The following SNX5 variants were observed in gnomAD, a reference collection of about 807,000 sequenced individuals.
The protein encoded by SNX5 is sorting nexin-5.
Under a neutral mutation model 53.9 loss-of-function variants are expected in SNX5, and 31 were observed. The ratio of observed to expected loss-of-function variants is 0.58; its 90% CI spans 0.43 to 0.78. SNX5 has a LOEUF of 0.78. Ranked by LOEUF, SNX5 falls within the 30% of genes least tolerant of loss-of-function variation. SNX5 has a pLI of 0.00. For missense variants in SNX5, 471 were observed against 478.8 expected (o/e 0.98, Z 0.15); for synonymous variants, 168 against 171.1 (o/e 0.98, Z 0.14).
At chr20:17,963,293 A>C (rs2035487723) in intron 1 of SNX5, among the ~76,000 whole-genome samples, 1 of 152,084 alleles carries the variant, frequency 6.6e-6, no homozygotes, top group Non-Finnish European at 1.5e-5. Context: ...AAGCCTGGGC[A>C]ACACAGCAAA....
chr20:17,943,267 T>C (rs112179413), intron 11 of SNX5, 72 bp from the exon 12 acceptor site: 78 of 985,316 alleles, frequency 7.9e-5, no homozygotes, highest in East Asian at 6.2e-4. Flanking sequence ...AACTACCAAA[T>C]GGCATTCTTA....
intron 4 of SNX5, 38 bp downstream of exon 4, chr20:17,953,957 CT>C: frequency 1.3e-6 from 2 of 1,554,530 alleles, no homozygotes; most frequent in Non-Finnish European, 1.8e-6. Flanking sequence ...CACTTTTCTA[CT>C]TCTCAAAAGA....
chr20:17,953,952 T>C, intron 4 of SNX5, 44 bp downstream of exon 4: 1 of 1,534,784 alleles, frequency 6.5e-7, no homozygotes, highest in Non-Finnish European at 9.0e-7. Context: ...AGCACCACTT[T>C]TCTACTTCTC....
intron 4 of SNX5, 36 bp from the exon 5 acceptor site, chr20:17,952,746 C>A (rs1555786727): frequency 6.2e-7 from 1 of 1,607,280 alleles, no homozygotes; most frequent in Admixed American, 1.7e-5. Flanking sequence ...TCAGTTGACA[C>A]AGCTCAACTA....
At chr20:17,953,862 G>A in intron 4 of SNX5, 134 bp downstream of exon 4, 1 of 716,196 alleles carries the variant, frequency 1.4e-6, no homozygotes, top group Non-Finnish European at 2.4e-6. Context: ...ACTAGTTTTA[G>A]AAAACGACGC....
At position 17,968,679 on chromosome 20, in the gene SNX5, A is replaced by G. The variant is rs943517724; in HGVS notation, c.-254T>C. 9 of 576,768 alleles carry G rather than the reference A, an allele frequency of 1.6e-5. No homozygotes were observed. The highest frequency in any genetic ancestry group is 1.1e-4 in the Admixed American group (4 of 37,970). 35.7% of individuals were successfully genotyped at this position (576,768 alleles called of 1,614,324 possible). On this transcript the variant is annotated 5_prime_UTR_variant, in exon 1 of 13. Coordinates refer to ENST00000377759, the MANE Select transcript of SNX5 (RefSeq NM_014426.4). ...CTGCCGTCCATCTTGGAGCCGGGCA[A>G]AGACGCCACGTGGGGCCTACCCTTG...
At chr20:17,951,407 C>A (rs927820710) in intron 6 of SNX5, 93 bp downstream of exon 6, 18 of 755,962 alleles carry the variant, frequency 2.4e-5, no homozygotes, top group Admixed American at 1.3e-4. Context: ...AAAAGTTAAC[C>A]ATTTGTTTCA....
chr20:17,952,078 C>T (rs993434234), intron 5 of SNX5, among the ~76,000 whole-genome samples: 1 of 151,992 alleles, frequency 6.6e-6, no homozygotes. Flanking sequence ...AAAAAATAAG[C>T]CGGGTGTGGT....
Position 17,961,691 on chromosome 20 carries a change from A to G in SNX5, c.52-4654T>C, listed in dbSNP as rs73898726. 3,702 of 985,056 alleles carry G rather than the reference A, an allele frequency of 3.8e-3. 119 individuals are homozygous for G. The African/African-American group carries it at 0.06, about 16-fold the overall frequency. 61.0% of individuals were successfully genotyped at this position (985,056 alleles called of 1,614,324 possible). A position where few individuals can be genotyped will look rare whatever the true frequency, so the allele number is the denominator to read the frequency against. On this transcript the variant is annotated intron_variant, in intron 1 of 12. Coordinates refer to ENST00000377759, the MANE Select transcript of SNX5 (RefSeq NM_014426.4). The stretch of plus-strand genomic sequence containing the variant: ...CAGAAGATATGTACTTAAGCAGCAC[A>G]TGCTACAGTGTCTTCTCTTTCAAAC...
chr20:17,951,661 C>A, intron 5 of SNX5, 66 bp from the exon 6 acceptor site: 1 of 1,087,918 alleles, frequency 9.2e-7, no homozygotes, highest in South Asian at 1.3e-5. Context: ...TAAAGAAGTT[C>A]TGAGTAACAT....
At chr20:17,948,462 A>C (rs1286218872) in intron 10 of SNX5, among the ~76,000 whole-genome samples, 3 of 152,264 alleles carry the variant, frequency 2.0e-5, no homozygotes, top group Non-Finnish European at 2.9e-5. Flanking sequence ...TGCCTGATTT[A>C]ATACATTTCA....
chr20:17,955,561 T>C (rs2035339271), intron 2 of SNX5, 86 bp from the exon 3 acceptor site: 1 of 818,806 alleles, frequency 1.2e-6, no homozygotes, highest in Non-Finnish European at 2.1e-6. Context: ...GGGAAAATTC[T>C]GCATAATACA....
rs1487940075 is a variant in SNX5, at chr20:17,950,221, G to T, written c.716-14C>A. The T allele has an allele frequency of 1.2e-6, 2 of 1,613,972 alleles. No individual in the cohort carries two copies. The highest frequency in any genetic ancestry group is 1.7e-6 in the Non-Finnish European group (2 of 1,179,948). ...CATCGGCAACATCTGCAGAAACAAG[G>T]ACAAGTCTTTTTATCCAAACACAGC... On this transcript the variant is annotated splice_polypyrimidine_tract_variant and intron_variant, in intron 7 of 12. Coordinates refer to ENST00000377759, the MANE Select transcript of SNX5 (RefSeq NM_014426.4).
rs544994853 is a variant in SNX5, at chr20:17,957,460, A to T, written c.52-423T>A. Among the ~76,000 whole-genome samples, 23 of 151,964 alleles carry T rather than the reference A, an allele frequency of 1.5e-4. No individual in the cohort carries two copies. The South Asian group carries it at 3.3e-3, about 22-fold the overall frequency. On this transcript the variant is annotated intron_variant, in intron 1 of 12. Transcript: ENST00000377759. Reference sequence around the variant, plus strand: ...AAAAAAAAAAAAAGAATTAAAAATTAAAAAAAAGAAAAAGAAATGTCAGTT... The same window carrying T: ...AAAAAAAAAAAAAGAATTAAAAATTTAAAAAAAGAAAAAGAAATGTCAGTT...
intron 10 of SNX5, among the ~76,000 whole-genome samples, chr20:17,948,563 A>T (rs1421283686): frequency 1.3e-5 from 2 of 152,250 alleles, no homozygotes; most frequent in Non-Finnish European, 2.9e-5. Context: ...GTCCACATAT[A>T]CATATAACGC....
In SNX5 at chr20:17,960,153, TAA is replaced by T. The variant is rs200097584; in HGVS notation, c.52-3118_52-3117del. 7.7e-3 allele frequency among the ~76,000 whole-genome samples: 1,175 copies of T among 152,264 alleles called. 10 individuals carry two copies. The highest frequency in any genetic ancestry group is 0.012 in the South Asian group (56 of 4,824). ...AATTGAAAATATACCTACTCTCAAA[TAA>T]TTTAAGTTTTAAAACTGACTTCTGG... On this transcript the variant is annotated intron_variant, in intron 1 of 12. Coordinates refer to ENST00000377759, the MANE Select transcript of SNX5 (RefSeq NM_014426.4).
intron 12 of SNX5, 88 bp from the exon 13 acceptor site, chr20:17,942,495 C>G: frequency 2.0e-6 from 2 of 1,019,998 alleles, no homozygotes. Context: ...CACGGCTTTT[C>G]ACGGGAGGTT....
chr20:17,962,628 A>G (rs2035475864), intron 1 of SNX5: 2 of 400,090 alleles, frequency 5.0e-6, no homozygotes, highest in East Asian at 1.4e-4. Context: ...TTCTAACAGA[A>G]GATCTCAGTC....
At chr20:17,959,087 A>G (rs1001191206) in intron 1 of SNX5, among the ~76,000 whole-genome samples, 1 of 152,190 alleles carries the variant, frequency 6.6e-6, no homozygotes, top group African/African-American at 2.4e-5. Context: ...GCACTGCTCA[A>G]ATGAATATGC....
Sources: allele counts gnomAD v4.1 joint callset (sites outside exome capture counted in the v4.1 genomes callset), GRCh38; gene constraint gnomAD v4.1.1; transcripts MANE v1.5; gene names NCBI Gene and HGNC (gene_info 2026-07-23, HGNC 2026-07-21).